The following RFPL1 variants were observed in gnomAD, a reference collection of about 807,000 sequenced individuals.
The protein encoded by RFPL1 is ret finger protein-like 1.
A neutral mutation model predicts 9.6 loss-of-function variants in RFPL1; 6 were observed. The observed-to-expected ratio is 0.62, with a 90% CI of 0.34 to 1.23. RFPL1 has a LOEUF of 1.23. Ranked by LOEUF, RFPL1 falls within the 50% of genes most tolerant of loss-of-function variation. RFPL1 has a pLI of 0.03. For synonymous variants in RFPL1, 145 were observed against 149.4 expected (o/e 0.97, Z 0.22); for missense variants, 352 against 398.4 (o/e 0.88, Z 0.99).
upstream of RFPL1, among the ~76,000 whole-genome samples, chr22:29,435,604 A>C (rs1412649155): frequency 1.3e-5 from 2 of 152,154 alleles, no homozygotes; most frequent in Admixed American, 6.5e-5. Context: ...CTCCCTACAC[A>C]CTGTCTCCCA....
exon 2 of RFPL1, chr22:29,442,198 T>TA (rs1159443538): frequency 9.2e-7 from 1 of 1,083,260 alleles, no homozygotes. Flanking sequence ...CTCTACTCGG[T>TA]AAAAGCGTTA....
At chr22:29,406,458 G>A in the RFPL1 span, among the ~76,000 whole-genome samples, 10 of 152,202 alleles carry the variant, frequency 6.6e-5, no homozygotes, top group East Asian at 1.9e-3. Flanking sequence ...GAGGCACAGA[G>A]GGGTTCATTT....
chr22:29,402,935 G>A, the RFPL1 span, among the ~76,000 whole-genome samples: 1 of 132,106 alleles, frequency 7.6e-6, no homozygotes, highest in Non-Finnish European at 1.6e-5. Flanking sequence ...GGTCTGTGGG[G>A]TCGGCCATTG....
At chr22:29,422,851 A>G in the RFPL1 span, among the ~76,000 whole-genome samples, 1 of 151,926 alleles carries the variant, frequency 6.6e-6, no homozygotes, top group Non-Finnish European at 1.5e-5. Context: ...GGGGATGCTG[A>G]TAGGATTGTG....
Position 29,441,890 on chromosome 22 carries a change from A to C in RFPL1, c.722A>C (p.Lys241Thr), listed in dbSNP as rs146909637. Reference sequence around the variant, plus strand: ...CTGACTTTCCTCTTCGTAGACCGCAAGTTACAGCGAGTGGGGATTTTTCTG... The same window carrying C: ...CTGACTTTCCTCTTCGTAGACCGCACGTTACAGCGAGTGGGGATTTTTCTG... The change falls in exon 2 of 2, where the codon AAG (lysine) becomes ACG (threonine). Residue 241 changes from lysine to threonine, a missense_variant. Transcript: ENST00000354373. 286 of 1,612,956 alleles carry C rather than the reference A, an allele frequency of 1.8e-4. No individual in the cohort carries two copies. Among genetic ancestry groups the C allele is most frequent in the Non-Finnish European group, 2.1e-4 (253 of 1,179,266 alleles).
the RFPL1 span, among the ~76,000 whole-genome samples, chr22:29,428,549 TCTC>T: frequency 6.6e-6 from 1 of 152,188 alleles, no homozygotes; most frequent in Non-Finnish European, 1.5e-5. Flanking sequence ...TCTACATTCT[TCTC>T]CTCAGCACAT....
chr22:29,412,144 C>G, the RFPL1 span, among the ~76,000 whole-genome samples: 2 of 152,134 alleles, frequency 1.3e-5, no homozygotes, highest in Non-Finnish European at 2.9e-5. Flanking sequence ...AATCAGGTCC[C>G]CACTTTTCTG....
chr22:29,430,014 C>T, the RFPL1 span, among the ~76,000 whole-genome samples: 21 of 143,816 alleles, frequency 1.5e-4, no homozygotes, highest in Non-Finnish European at 3.0e-4. Flanking sequence ...TTATCAGAAA[C>T]AATGTTTCCA....
At chr22:29,408,750 C>T in the RFPL1 span, among the ~76,000 whole-genome samples, 5 of 152,168 alleles carry the variant, frequency 3.3e-5, no homozygotes, top group Admixed American at 6.5e-5. Flanking sequence ...AGTCAAAGGA[C>T]GGCATCACTT....
At chr22:29,419,173 G>T in the RFPL1 span, 75 of 1,607,892 alleles carry the variant, frequency 4.7e-5, no homozygotes, top group Non-Finnish European at 5.9e-5. Flanking sequence ...TTTGCCCACG[G>T]TCATCGATGC....
At chr22:29,405,062 T>C in the RFPL1 span, among the ~76,000 whole-genome samples, 1 of 152,114 alleles carries the variant, frequency 6.6e-6, no homozygotes, top group African/African-American at 2.4e-5. Context: ...AAAAATGAAG[T>C]TAAATGCTAT....
chr22:29,427,098 C>T, the RFPL1 span, among the ~76,000 whole-genome samples: 1 of 152,172 alleles, frequency 6.6e-6, no homozygotes, highest in Non-Finnish European at 1.5e-5. Flanking sequence ...CAAAAGAACA[C>T]ATTTATCTGC....
the RFPL1 span, among the ~76,000 whole-genome samples, chr22:29,389,800 T>G: frequency 2.6e-5 from 4 of 151,994 alleles, no homozygotes; most frequent in Admixed American, 2.0e-4. Flanking sequence ...ATTTGTTTTT[T>G]TTTGTTTGTT....
At chr22:29,417,359 T>A in the RFPL1 span, among the ~76,000 whole-genome samples, 3 of 151,898 alleles carry the variant, frequency 2.0e-5, no homozygotes, top group Non-Finnish European at 2.9e-5. Context: ...TGCTCTGGCT[T>A]CCAAAGGGCT....
upstream of RFPL1, chr22:29,437,479 T>C (rs1485937989): frequency 6.0e-6 from 5 of 838,966 alleles, no homozygotes; most frequent in African/African-American, 8.8e-5. Flanking sequence ...CTTATCTTCA[T>C]ATGAAAGAAA....
At chr22:29,399,543 G>A in the RFPL1 span, among the ~76,000 whole-genome samples, 1 of 152,210 alleles carries the variant, frequency 6.6e-6, no homozygotes, top group Non-Finnish European at 1.5e-5. Flanking sequence ...GATGTTGGTT[G>A]CTGAAACTGA....
the RFPL1 span, among the ~76,000 whole-genome samples, chr22:29,393,171 G>A: frequency 6.6e-6 from 1 of 152,314 alleles, no homozygotes; most frequent in South Asian, 2.1e-4. Context: ...TGAAGGGTGA[G>A]ACTACTACTA....
At chr22:29,432,123 G>C in the RFPL1 span, among the ~76,000 whole-genome samples, 1 of 152,170 alleles carries the variant, frequency 6.6e-6, no homozygotes, top group Non-Finnish European at 1.5e-5. Flanking sequence ...TAAGAAAGCT[G>C]GATGGATTCC....
upstream of RFPL1, chr22:29,434,916 A>T (rs529316853): frequency 6.6e-6 from 1 of 152,340 alleles, no homozygotes; most frequent in East Asian, 1.9e-4. Context: ...GCTCTTGCAG[A>T]TTCAATTATC....
Sources: allele counts gnomAD v4.1 joint callset (sites outside exome capture counted in the v4.1 genomes callset), GRCh38; gene constraint gnomAD v4.1.1; transcripts MANE v1.5; gene names NCBI Gene and HGNC (gene_info 2026-07-23, HGNC 2026-07-21).